Variants in CACYBP observed in about 807,000 individuals in gnomAD.
CACYBP encodes the protein calcyclin binding protein.
A neutral mutation model predicts 29.6 loss-of-function variants in CACYBP; 11 were observed. The observed-to-expected ratio is 0.37, with a 90% CI of 0.23 to 0.61. The LOEUF is 0.61. Ranked by LOEUF, CACYBP falls within the 20% of genes least tolerant of loss-of-function variation. CACYBP has a pLI of 0.65. For missense variants in CACYBP, 163 were observed against 260.7 expected, an observed-to-expected ratio of 0.63 and a Z score of 2.58; for synonymous variants, 73 against 88.3, an observed-to-expected ratio of 0.83 and a Z score of 0.97.
Position 175,010,069 on chromosome 1 carries a change from C to G in CACYBP, c.677C>G (p.Thr226Arg). The change falls in exon 6 of 6, where the codon ACG (threonine) becomes AGG (arginine). Residue 226 changes from threonine (T) to arginine (R), a missense_variant. By Grantham distance (71) the Thr-to-Arg change is moderately conservative (BLOSUM62 -1). Transcript: ENST00000367679. ...AGAGAGAAGCAAGCCAAAGGAGACA[C>G]GGAATTTTGAGACTTTAAAGTCGTT... Reference protein sequence around the residue: ...ESREKQAKGDTEF With the variant: ...ESREKQAKGDREF 1.2e-6 allele frequency: 2 copies of G among 1,612,076 alleles called. No individual in the cohort carries two copies. The highest frequency in any genetic ancestry group is 1.7e-6 in the Non-Finnish European group (2 of 1,179,190).
intron 1 of CACYBP, among the ~76,000 whole-genome samples, chr1:175,003,452 T>C (rs11590474): frequency 0.14 from 21,207 of 152,232 alleles, 1,997 homozygotes; most frequent in Non-Finnish European, 0.21. Context: ...TCATCTGTTA[T>C]AGATAGGCAA....
intron 1 of CACYBP, among the ~76,000 whole-genome samples, chr1:175,000,869 C>T (rs752166409): frequency 1.3e-5 from 2 of 152,186 alleles, no homozygotes; most frequent in Admixed American, 1.3e-4. Context: ...TCTGTAAACT[C>T]TGAACGTTGG....
rs1672574468 is a variant in CACYBP, at chr1:175,004,762, T to C, written c.164T>C (p.Leu55Pro). Residue 55 changes from leucine (L) to proline (P), a missense_variant, in exon 2 of 6, where the codon CTT becomes CCT. Leu to Pro is a moderately conservative substitution (Grantham distance 98). Coordinates refer to ENST00000367679, the MANE Select transcript of CACYBP (RefSeq NM_014412.3). The part of the protein sequence containing the change: ...QQKSQKKAEL[L>P]DNEKPAAVVA... ...AAATCACAGAAGAAAGCAGAACTTC[T>C]TGATAATGAAAAACCAGCTGCTGTG... The C allele has an allele frequency of 6.2e-7, 1 of 1,613,878 alleles. No individual in the cohort carries two copies. Among genetic ancestry groups the C allele is most frequent in the African/African-American group, 1.3e-5 (1 of 74,926 alleles).
chr1:175,005,351 A>G (rs1042751212), intron 2 of CACYBP, among the ~76,000 whole-genome samples: 3 of 152,186 alleles, frequency 2.0e-5, no homozygotes, highest in Non-Finnish European at 4.4e-5. Flanking sequence ...TTTTCCTTCA[A>G]TGGTGTATAC....
intron 1 of CACYBP, chr1:175,000,606 T>C: frequency 9.2e-7 from 1 of 1,091,048 alleles, no homozygotes; most frequent in Non-Finnish European, 1.1e-6. Context: ...GAAGGTGAGT[T>C]CTCAGTGCTA....
In CACYBP at chr1:174,999,949, C is replaced by G; in HGVS notation, c.-232C>G. The G allele has an allele frequency of 3.4e-6, 2 of 588,820 alleles. No individual in the cohort carries two copies. The highest frequency in any genetic ancestry group is 3.3e-5 in the East Asian group (1 of 30,198). The allele number at this position is 588,820 out of a possible 1,614,324, so 36.5% of individuals were successfully genotyped here. A position where few individuals can be genotyped will look rare whatever the true frequency, so the allele number is the denominator to read the frequency against. ...GAAGGGTGGGTGGAGCCAGGCTTGG[C>G]GGGCTGTGCGTGCTCGCGGTGGGCG... On this transcript the variant is annotated 5_prime_UTR_variant, in exon 1 of 6. Coordinates refer to ENST00000367679, the MANE Select transcript of CACYBP (RefSeq NM_014412.3).
rs1672759791 is a variant in CACYBP at position 175,011,631 on chromosome 1, A to AAAAAG, written c.*1556_*1560dup. On this transcript the variant is annotated 3_prime_UTR_variant, in exon 6 of 6. Coordinates refer to ENST00000367679, the MANE Select transcript of CACYBP (RefSeq NM_014412.3). Reference sequence around the variant, plus strand: ...TCCAATAATTAAGAATACTTCATACAAAAAGAAATGTAAATGACCTTTAAC... The same window carrying AAAAAG: ...TCCAATAATTAAGAATACTTCATACAAAAAGAAAAGAAATGTAAATGACCTTTAAC... 6.6e-6 allele frequency: 1 copy of AAAAAG among 152,252 alleles called. No homozygotes were observed. Among genetic ancestry groups the AAAAAG allele is most frequent in the African/African-American group, 2.4e-5 (1 of 41,462 alleles). 9.4% of individuals were successfully genotyped at this position (152,252 alleles called of 1,614,324 possible). A position where few individuals can be genotyped will look rare whatever the true frequency, so the allele number is the denominator to read the frequency against.
chr1:175,004,626 C>A lies in CACYBP; in HGVS notation c.28C>A (p.Leu10Ile), dbSNP rs1020068190. The A allele has an allele frequency of 1.3e-6, 2 of 1,598,184 alleles. No homozygotes were observed. Among genetic ancestry groups the A allele is most frequent in the African/African-American group, 2.7e-5 (2 of 73,880 alleles). MASEELQKD[L>I]EEVKVLLEKA... ...TGTCTTAACACAGCTACAGAAAGAT[C>A]TAGAAGAGGTAAAGGTGTTGCTGGA... is the stretch of plus-strand genomic sequence containing the variant. Residue 10 changes from leucine (L) to isoleucine (I), a missense_variant, in exon 2 of 6, where the codon CTA (leucine) becomes ATA (isoleucine). Leu to Ile is a conservative substitution (Grantham distance 5). Coordinates refer to ENST00000367679, the MANE Select transcript of CACYBP (RefSeq NM_014412.3).
rs1008275875 is a variant in CACYBP at position 175,011,416 on chromosome 1, C to T, written c.*1337C>T. The T allele has an allele frequency of 5.3e-5, 8 of 151,932 alleles. No homozygotes were observed. The highest frequency in any genetic ancestry group is 2.1e-4 in the South Asian group (1 of 4,818). 9.4% of individuals were successfully genotyped at this position (151,932 alleles called of 1,614,324 possible). ...ATAGGCATATAGATATATTCCAAGC[C>T]GCCTGACGATCTAATTGTAAAAAGT... On this transcript the variant is annotated 3_prime_UTR_variant, in exon 6 of 6. Coordinates refer to ENST00000367679, the MANE Select transcript of CACYBP (RefSeq NM_014412.3).
rs1209576421 is a variant in CACYBP at position 175,011,398 on chromosome 1, TATAG to T, written c.*1323_*1326del. The T allele has an allele frequency of 2.6e-5, 4 of 152,054 alleles. No individual in the cohort carries two copies. Among genetic ancestry groups the T allele is most frequent in the African/African-American group, 9.7e-5 (4 of 41,390 alleles). The allele number at this position is 152,054 out of a possible 1,614,324, so 9.4% of individuals were successfully genotyped here. On this transcript the variant is annotated 3_prime_UTR_variant, in exon 6 of 6. Transcript: ENST00000367679. ...ATACTAAGATAACTGAAAATAGGCA[TATAG>T]ATATATTCCAAGCCGCCTGACGATC...
At chr1:175,007,019 C>CT (rs548172319) in intron 3 of CACYBP, 79 bp from the exon 4 acceptor site, 2 of 1,066,584 alleles carry the variant, frequency 1.9e-6, no homozygotes, top group Non-Finnish European at 1.4e-6. Context: ...AAGCCAGCAG[C>CT]TTTTTTCCCA....
rs1464166643 is a variant in CACYBP, at chr1:175,011,738, G to A, written c.*1659G>A. The A allele has an allele frequency of 6.6e-6, 1 of 152,196 alleles. No individual in the cohort carries two copies. The highest frequency in any genetic ancestry group is 1.5e-5 in the Non-Finnish European group (1 of 68,034). The allele number at this position is 152,196 out of a possible 1,614,324, so 9.4% of individuals were successfully genotyped here. A position where few individuals can be genotyped will look rare whatever the true frequency, so the allele number is the denominator to read the frequency against. On this transcript the variant is annotated 3_prime_UTR_variant, in exon 6 of 6. Transcript: ENST00000367679. ...TTGAAAAAGAAGTATAAAAACAACTGTATTGAGTTGAGGCTGTGGAGAAAT... is the reference window on the plus strand; with the variant it reads ...TTGAAAAAGAAGTATAAAAACAACTATATTGAGTTGAGGCTGTGGAGAAAT...
chr1:174,999,849 C>A, upstream of CACYBP: 1 of 479,910 alleles, frequency 2.1e-6, no homozygotes, highest in Non-Finnish European at 3.7e-6. Context: ...TTGAGCGTTG[C>A]TAGGAGATTC....
chr1:175,005,714 G>A (rs1672605068), intron 2 of CACYBP, among the ~76,000 whole-genome samples: 1 of 152,192 alleles, frequency 6.6e-6, no homozygotes, highest in African/African-American at 2.4e-5. Flanking sequence ...GTACTCAGTT[G>A]AGTATAGGAA....
At chr1:175,001,124 G>C (rs1487005202) in intron 1 of CACYBP, among the ~76,000 whole-genome samples, 2 of 152,156 alleles carry the variant, frequency 1.3e-5, no homozygotes, top group Non-Finnish European at 2.9e-5. Flanking sequence ...AAAACTATGA[G>C]GTTTGTGTGT....
chr1:175,001,206 A>G (rs1165581902), intron 1 of CACYBP, among the ~76,000 whole-genome samples: 10 of 152,214 alleles, frequency 6.6e-5, no homozygotes, highest in Non-Finnish European at 4.4e-5. Flanking sequence ...CCCCTAGGAG[A>G]TAACTTCACA....
At position 175,011,801 on chromosome 1, in the gene CACYBP, CTT is replaced by C. The variant is rs1165393569; in HGVS notation, c.*1724_*1725del. On this transcript the variant is annotated 3_prime_UTR_variant, in exon 6 of 6. Transcript: ENST00000367679. ...ATGGGAATGGAATGCAAAAGTTAAA[CTT>C]TGGTTAACAAGAATATTTGGGCAGG... 6.6e-6 allele frequency: 1 copy of C among 152,176 alleles called. No individual in the cohort carries two copies. The highest frequency in any genetic ancestry group is 1.5e-5 in the Non-Finnish European group (1 of 68,032). 9.4% of individuals were successfully genotyped at this position (152,176 alleles called of 1,614,324 possible). A position where few individuals can be genotyped will look rare whatever the true frequency, so the allele number is the denominator to read the frequency against.
intron 2 of CACYBP, among the ~76,000 whole-genome samples, chr1:175,005,397 G>A (rs548277902): frequency 2.6e-5 from 4 of 152,296 alleles, no homozygotes; most frequent in African/African-American, 9.6e-5. Flanking sequence ...ACTTGAATAT[G>A]AATGATGAGC....
rs1328754805 is a variant in CACYBP at position 175,010,981 on chromosome 1, C to T, written c.*902C>T. 6.6e-6 allele frequency: 1 copy of T among 151,864 alleles called. No homozygotes were observed. The highest frequency in any genetic ancestry group is 1.5e-5 in the Non-Finnish European group (1 of 67,988). 9.4% of individuals were successfully genotyped at this position (151,864 alleles called of 1,614,324 possible). ...AAGCAATTGAAGCCAGGCATGAAGG[C>T]TGGCGCCCGTAATCCCAGCTACTAA... On this transcript the variant is annotated 3_prime_UTR_variant, in exon 6 of 6. Coordinates refer to ENST00000367679, the MANE Select transcript of CACYBP (RefSeq NM_014412.3).
Sources: allele counts gnomAD v4.1 joint callset (sites outside exome capture counted in the v4.1 genomes callset), GRCh38; gene constraint gnomAD v4.1.1; transcripts MANE v1.5; gene names NCBI Gene and HGNC (gene_info 2026-07-23, HGNC 2026-07-21).